STON1: variants seen among roughly 807,000 people sequenced by gnomAD.
STON1 encodes stonin-1.
STON1 carries 79 observed loss-of-function variants against 60.9 expected under a neutral mutation model. The ratio of observed to expected loss-of-function variants is 1.30; its 90% CI spans 1.08 to 1.56. The LOEUF is 1.56. Among genes scored for constraint, STON1 ranks in the 40% most tolerant of loss-of-function variants. The pLI is 0.00. For synonymous variants in STON1, 363 were observed against 306.9 expected, an observed-to-expected ratio of 1.18 and a Z score of -1.91; for missense variants, 1,166 against 858.9, an observed-to-expected ratio of 1.36 and a Z score of -4.47.
intron 1 of STON1, among the ~76,000 whole-genome samples, chr2:48,534,532 A>C (rs535657861): frequency 6.6e-6 from 1 of 152,328 alleles, no homozygotes; most frequent in East Asian, 1.9e-4. Flanking sequence ...TGCTTTAGTA[A>C]GAACTGATGG....
At position 48,581,360 on chromosome 2, in the gene STON1, G is replaced by C; in HGVS notation, c.727G>C (p.Asp243His). ...ACATCTCCAGTCAGCTGAGAACCAA[G>C]ACTCACTTAGAAGTTTGTCTATGCA... ...LEHLQSAENQ[D>H]SLRSLSMHCL... Residue 243 changes from aspartate to histidine, a missense_variant, in exon 2 of 4, where the codon GAC (aspartate) becomes CAC (histidine). Asp to His is a moderately conservative substitution (Grantham distance 81). Coordinates refer to ENST00000404752, the MANE Select transcript of STON1 (RefSeq NM_006873.4). 6.4e-7 allele frequency: 1 copy of C among 1,564,960 alleles called. No homozygotes were observed. The highest frequency in any genetic ancestry group is 8.6e-7 in the Non-Finnish European group (1 of 1,156,722).
rs577947043 is a variant in STON1, at chr2:48,581,102, C to G, written c.469C>G (p.Pro157Ala). 13 of 1,601,452 alleles carry G rather than the reference C, an allele frequency of 8.1e-6. No homozygotes were observed. In the South Asian group the frequency reaches 1.4e-4, roughly 17 times the overall value. The change falls in exon 2 of 4, where the codon CCT (proline) becomes GCT (alanine). Residue 157 changes from proline (P) to alanine (A), a missense_variant. Pro to Ala is a conservative substitution (Grantham distance 27, BLOSUM62 -1). Transcript: ENST00000404752. ...AGTAGGTCTTCCAGATGAAGTTAATCCTCAACAGGCTGAAAGCCTAGGATT... is the reference window on the plus strand; with the variant it reads ...AGTAGGTCTTCCAGATGAAGTTAATGCTCAACAGGCTGAAAGCCTAGGATT... ...PKVGLPDEVNPQQAESLGFQS... is the reference protein window; with the variant it reads ...PKVGLPDEVNAQQAESLGFQS...
intron 1 of STON1, among the ~76,000 whole-genome samples, chr2:48,576,620 A>T (rs564933396): frequency 1.1e-3 from 165 of 151,346 alleles, no homozygotes; most frequent in African/African-American, 3.8e-3. Flanking sequence ...ATCTTTTCAT[A>T]TATTTTCTGG....
intron 1 of STON1, among the ~76,000 whole-genome samples, chr2:48,575,089 C>G (rs1184291729): frequency 6.6e-6 from 1 of 152,214 alleles, no homozygotes; most frequent in East Asian, 1.9e-4. Context: ...ACTTTACATA[C>G]TTCGTATAAG....
chr2:48,587,221 T>A (rs1674258777), intron 2 of STON1, among the ~76,000 whole-genome samples: 2 of 152,220 alleles, frequency 1.3e-5, no homozygotes, highest in South Asian at 4.1e-4. Flanking sequence ...TAGGCAGAGA[T>A]CATTCCTCCC....
intron 1 of STON1, among the ~76,000 whole-genome samples, chr2:48,578,994 T>G (rs1208690973): frequency 1.3e-5 from 2 of 150,862 alleles, no homozygotes; most frequent in Non-Finnish European, 3.0e-5. Context: ...ATCAAGTTTT[T>G]TCAACACCAC....
At chr2:48,532,454 A>G (rs1572916597) in intron 1 of STON1, among the ~76,000 whole-genome samples, 1 of 143,858 alleles carries the variant, frequency 7.0e-6, no homozygotes, top group Admixed American at 6.9e-5. Flanking sequence ...AAAAAAAAAC[A>G]ACAAAAGTAA....
At chr2:48,538,053 A>C (rs1671502577) in intron 1 of STON1, among the ~76,000 whole-genome samples, 1 of 151,634 alleles carries the variant, frequency 6.6e-6, no homozygotes, top group South Asian at 2.1e-4. Flanking sequence ...TCCCGGGTTC[A>C]AGCAATTCTC....
At chr2:48,567,601 G>A (rs753430393) in intron 1 of STON1, among the ~76,000 whole-genome samples, 4 of 151,990 alleles carry the variant, frequency 2.6e-5, no homozygotes, top group Non-Finnish European at 4.4e-5. Flanking sequence ...TAGTAGAGAC[G>A]GGGTTTTGCC....
chr2:48,591,779 A>C lies in STON1; in HGVS notation c.2057A>C (p.Glu686Ala). The C allele has an allele frequency of 6.2e-7, 1 of 1,614,190 alleles. No homozygotes were observed. The highest frequency in any genetic ancestry group is 8.5e-7 in the Non-Finnish European group (1 of 1,180,040). ...SVPDTCASRT[E>A]VRSLGVESDV... ...CCTGACACCTGTGCCTCAAGGACAGAGGTCAGGTCTCTGGGAGTGGAGAGT... is the reference window on the plus strand; with the variant it reads ...CCTGACACCTGTGCCTCAAGGACAGCGGTCAGGTCTCTGGGAGTGGAGAGT... Residue 686 changes from glutamate to alanine, a missense_variant, in exon 3 of 4, where the codon GAG (glutamate) becomes GCG (alanine). Physicochemically the swap from Glu to Ala is moderately radical, Grantham distance 107. Coordinates refer to ENST00000404752, the MANE Select transcript of STON1 (RefSeq NM_006873.4).
intron 1 of STON1, among the ~76,000 whole-genome samples, chr2:48,571,301 C>T (rs1673198180): frequency 6.6e-6 from 1 of 152,186 alleles, no homozygotes; most frequent in African/African-American, 2.4e-5. Context: ...ATAGAGGAAT[C>T]TTTGCTTCAG....
chr2:48,564,404 T>TTTCTTCTTCTTC (rs1558603749), intron 1 of STON1, among the ~76,000 whole-genome samples: 1 of 128,534 alleles, frequency 7.8e-6, no homozygotes, highest in African/African-American at 2.9e-5. Context: ...GCAGTGGCGG[T>TTTCTTCTTCTTC]GTCTTCTTCT....
intron 1 of STON1, among the ~76,000 whole-genome samples, chr2:48,571,424 A>T (rs1021992349): frequency 6.6e-6 from 1 of 152,190 alleles, no homozygotes; most frequent in Non-Finnish European, 1.5e-5. Flanking sequence ...CTGGATTGTC[A>T]TGCAGTTTAA....
chr2:48,570,843 G>GT (rs70946811), intron 1 of STON1, among the ~76,000 whole-genome samples: 5,550 of 77,078 alleles, frequency 0.072, 1,271 homozygotes, highest in African/African-American at 0.12. Flanking sequence ...CTGTCTCTGA[G>GT]TTTTTTTTTT....
At chr2:48,539,636 G>A (rs1223557098) in intron 1 of STON1, among the ~76,000 whole-genome samples, 6 of 151,982 alleles carry the variant, frequency 3.9e-5, no homozygotes, top group Non-Finnish European at 8.8e-5. Flanking sequence ...TCAGTAGCTG[G>A]GACTACAGGG....
chr2:48,558,358 A>G (rs1400728919), intron 1 of STON1, among the ~76,000 whole-genome samples: 1 of 152,260 alleles, frequency 6.6e-6, no homozygotes, highest in Non-Finnish European at 1.5e-5. Flanking sequence ...TTGTTATGTT[A>G]TCTGTAATTC....
chr2:48,538,576 T>C (rs1028607442), intron 1 of STON1, among the ~76,000 whole-genome samples: 2 of 151,888 alleles, frequency 1.3e-5, no homozygotes, highest in South Asian at 2.1e-4. Flanking sequence ...ACCTTTCCTA[T>C]GGTGCTGAGA....
chr2:48,592,672 G>C (rs1180435618), intron 3 of STON1, among the ~76,000 whole-genome samples: 3 of 151,226 alleles, frequency 2.0e-5, no homozygotes, highest in Non-Finnish European at 2.9e-5. Flanking sequence ...TGTTGGCCAG[G>C]CTGGTCTCAA....
At chr2:48,587,203 T>C (rs979612785) in intron 2 of STON1, among the ~76,000 whole-genome samples, 2 of 152,240 alleles carry the variant, frequency 1.3e-5, no homozygotes, top group African/African-American at 4.8e-5. Context: ...ACTACTGACG[T>C]GATCCCCTAG....
Sources: gnomAD v4.1 joint callset for allele counts (sites outside exome capture counted in the v4.1 genomes callset) on GRCh38, gnomAD v4.1.1 for gene constraint, MANE v1.5 for transcripts, NCBI Gene and HGNC (gene_info 2026-07-23, HGNC 2026-07-21) for gene names.